Variants in JAG1 observed in about 807,000 individuals in gnomAD.
The protein encoded by JAG1 is jagged canonical Notch ligand 1, also known as protein jagged-1.
In JAG1, 23 loss-of-function variants were observed where a neutral mutation model predicts 148.7. The observed-to-expected ratio is 0.15, with a 90% CI of 0.11 to 0.22. JAG1 has a LOEUF of 0.22. JAG1 is among the 10% of genes least tolerant of loss of function. The probability of loss-of-function intolerance (pLI) is 1.00; values close to 1 mark genes in which losing one functional copy is unlikely to be tolerated. For synonymous variants in JAG1, 572 were observed against 598.3 expected (o/e 0.96, Z 0.64); for missense variants, 1,054 against 1,611.2 (o/e 0.65, Z 5.92).
Position 10,649,055 on chromosome 20 carries a change from A to G in JAG1, c.1395+6T>C. 1 of 1,604,472 alleles carries G rather than the reference A, an allele frequency of 6.2e-7. No homozygotes were observed. Among genetic ancestry groups the G allele is most frequent in the Non-Finnish European group, 8.5e-7 (1 of 1,171,178 alleles). ...AAAGTTTTGATTTAAGCAAAGATTT[A>G]CATACCCGACAGGAGGCGTCATTCT... On this transcript the variant is annotated splice_donor_region_variant and intron_variant, in intron 11 of 25. Transcript: ENST00000254958.
chr20:10,665,686 C>T (rs1399675629), intron 2 of JAG1, among the ~76,000 whole-genome samples: 2 of 152,168 alleles, frequency 1.3e-5, no homozygotes, highest in Admixed American at 1.3e-4. Flanking sequence ...GGCCCACGTC[C>T]TCCACTTCAA....
intron 3 of JAG1, among the ~76,000 whole-genome samples, 196 bp from the exon 4 acceptor site, chr20:10,658,918 C>CA (rs1392953454): frequency 8.5e-5 from 13 of 152,204 alleles, no homozygotes; most frequent in African/African-American, 2.7e-4. Flanking sequence ...AATGGGTACA[C>CA]AGTATTTCAT....
rs754195321 is a variant in JAG1 at position 10,647,932 on chromosome 20, C to T, written c.1720+28G>A. 3.1e-6 allele frequency: 5 copies of T among 1,613,290 alleles called. No individual in the cohort carries two copies. In the South Asian group the frequency reaches 4.4e-5, roughly 14 times the overall value. The stretch of plus-strand genomic sequence containing the variant: ...GGGACAAAAGGAGCAAGTCTGGAGA[C>T]AGCCAGGTCCCGGGAGAAGGGAGGT... On this transcript the variant is annotated intron_variant, in intron 13 of 25. Coordinates refer to ENST00000254958, the MANE Select transcript of JAG1 (RefSeq NM_000214.3).
At chr20:10,662,422 T>A (rs923505701) in intron 3 of JAG1, 2 of 152,034 alleles carry the variant, frequency 1.3e-5, no homozygotes, top group Non-Finnish European at 2.9e-5. Context: ...CTCTCACATG[T>A]CCCTAACAAG....
Position 10,642,517 on chromosome 20 carries a change from G to T in JAG1, c.2543C>A (p.Pro848Gln). 6.2e-7 allele frequency: 1 copy of T among 1,611,442 alleles called. No individual in the cohort carries two copies. The highest frequency in any genetic ancestry group is 8.5e-7 in the Non-Finnish European group (1 of 1,177,586). ...EINGYRCVCP[P>Q]GHSGAKCQEV... is the part of the protein sequence containing the mutation. ...CTGGCACTTGGCACCACTGTGCCCT[G>T]GAGGGCAGACACACCGGTAGCCATT... Residue 848 changes from proline (P) to glutamine (Q), a missense_variant, in exon 21 of 26, where the codon CCA becomes CAA. Transcript: ENST00000254958.
In JAG1 at chr20:10,645,752, A is replaced by G; in HGVS notation, c.1999+219T>C. ...TTGCAAGCAGGAATATTTATTACAC[A>G]GTCTAATTCTATAGGTCCTCAGCAG... On this transcript the variant is annotated intron_variant, in intron 15 of 25. Transcript: ENST00000254958. The surrounding 1 kb of genome is among the most constrained non-coding windows in gnomAD (Gnocchi z 6.1). 1 of 617,802 alleles carries G rather than the reference A, an allele frequency of 1.6e-6. No individual in the cohort carries two copies. Among genetic ancestry groups the G allele is most frequent in the Middle Eastern group, 4.3e-4 (1 of 2,318 alleles). 38.3% of individuals were successfully genotyped at this position (617,802 alleles called of 1,614,324 possible). A position where few individuals can be genotyped will look rare whatever the true frequency, so the allele number is the denominator to read the frequency against.
intron 2 of JAG1, among the ~76,000 whole-genome samples, chr20:10,669,588 A>AAAAAAT (rs2067481928): frequency 7.4e-6 from 1 of 135,952 alleles, no homozygotes; most frequent in Admixed American, 7.8e-5. Flanking sequence ...AAAAAAAAAA[A>AAAAAAT]GTTGATCTCA....
chr20:10,669,157 C>A (rs2067477657), intron 2 of JAG1, among the ~76,000 whole-genome samples: 1 of 152,204 alleles, frequency 6.6e-6, no homozygotes, highest in African/African-American at 2.4e-5. Context: ...AGTGTTGCAA[C>A]ACAGATACAT....
chr20:10,642,752 C>T (rs2067281911), intron 20 of JAG1, 151 bp from the exon 21 acceptor site: 3 of 692,150 alleles, frequency 4.3e-6, no homozygotes, highest in African/African-American at 3.5e-5. Flanking sequence ...AGAAACAGAT[C>T]TATTGCAAAA....
At chr20:10,648,929 C>G in intron 11 of JAG1, 132 bp downstream of exon 11, 1 of 925,014 alleles carries the variant, frequency 1.1e-6, no homozygotes, top group Non-Finnish European at 1.7e-6. Context: ...TAAGCCCTAG[C>G]GAAACTTCCA....
chr20:10,648,830 G>C, intron 11 of JAG1, 108 bp from the exon 12 acceptor site: 1 of 1,133,252 alleles, frequency 8.8e-7, no homozygotes, highest in South Asian at 1.3e-5. Context: ...CTGGTTCACT[G>C]AAATAGCCAA....
chr20:10,670,698 T>C (rs774349935), intron 2 of JAG1, among the ~76,000 whole-genome samples: 1 of 152,174 alleles, frequency 6.6e-6, no homozygotes, highest in South Asian at 2.1e-4. Context: ...GGAGACTTGT[T>C]TATGAGTGAT....
chr20:10,647,449 G>A (rs1308854325), intron 13 of JAG1: 1 of 418,834 alleles, frequency 2.4e-6, no homozygotes, highest in Non-Finnish European at 4.5e-6. Flanking sequence ...TCTTAAGCAA[G>A]GCTCAAGGAC....
intron 2 of JAG1, among the ~76,000 whole-genome samples, chr20:10,670,884 T>C (rs956221766): frequency 6.6e-6 from 1 of 152,160 alleles, no homozygotes; most frequent in East Asian, 1.9e-4. Flanking sequence ...CCACACTATT[T>C]CCGCTCGTTT....
At chr20:10,672,658 G>A (rs752697119) in intron 2 of JAG1, 43 bp downstream of exon 2, 1 of 1,594,480 alleles carries the variant, frequency 6.3e-7, no homozygotes, top group Non-Finnish European at 8.6e-7. Flanking sequence ...GCCAGGCGCG[G>A]GTGTGAGGCT....
rs1178459436 is a variant in JAG1 at position 10,649,104 on chromosome 20, A to T, written c.1352T>A (p.Ile451Asn). 6.2e-7 allele frequency: 1 copy of T among 1,601,292 alleles called. No individual in the cohort carries two copies. The highest frequency in any genetic ancestry group is 2.2e-5 in the East Asian group (1 of 44,824). ...GWMGQNCDIN[I>N]NDCLGQCQND... ...CTGACACTGGCCAAGGCAGTCATTA[A>T]TATCTAAAAAATAAATAAGTCATCA... The change falls in exon 11 of 26, where the codon ATT becomes AAT. Residue 451 changes from isoleucine (I) to asparagine (N), a missense_variant. Ile to Asn is a moderately radical substitution (Grantham distance 149, BLOSUM62 -3). Transcript: ENST00000254958.
rs1270085831 is a variant in JAG1 at position 10,644,873 on chromosome 20, G to A, written c.2334C>T (p.Ile778=). The change falls in exon 18 of 26, where the codon ATC becomes ATT. Residue 778 remains isoleucine, a synonymous_variant. Transcript: ENST00000254958. ...CVCKEGWEGP[I]CAQNTNDCSP... ...GGGGAGGACACTCACTCTGAGCACA[G>A]ATGGGCCCCTCCCAGCCTTCCTTGC... The A allele has an allele frequency of 1.9e-6, 3 of 1,613,048 alleles. No homozygotes were observed. The highest frequency in any genetic ancestry group is 2.5e-6 in the Non-Finnish European group (3 of 1,178,954).
In JAG1 at chr20:10,649,067, G is replaced by A. The variant is rs147229008; in HGVS notation, c.1389C>T (p.Ser463=). The part of the protein sequence containing the change: ...DCLGQCQNDA[S]CRDLVNGYRC... Reference sequence around the variant, plus strand: ...TAAGCAAAGATTTACATACCCGACAGGAGGCGTCATTCTGACACTGGCCAA... The same window carrying A: ...TAAGCAAAGATTTACATACCCGACAAGAGGCGTCATTCTGACACTGGCCAA... Residue 463 remains serine (S), a synonymous_variant, in exon 11 of 26, where the codon TCC becomes TCT. Coordinates refer to ENST00000254958, the MANE Select transcript of JAG1 (RefSeq NM_000214.3). The A allele has an allele frequency of 4.3e-4, 698 of 1,609,458 alleles. 2 individuals carry two copies. Among genetic ancestry groups the A allele is most frequent in the Middle Eastern group, 1.6e-3 (10 of 6,072 alleles).
Position 10,664,004 on chromosome 20 carries a change from G to C in JAG1, c.398C>G (p.Thr133Arg). The change falls in exon 3 of 26, where the codon ACG becomes AGG. Residue 133 changes from threonine (T) to arginine (R), a missense_variant. Thr to Arg is a moderately conservative substitution (Grantham distance 71). This residue lies in a region of JAG1 where 151 missense variants were observed against 211.1 expected (regional missense o/e 0.72). Transcript: ENST00000254958. ...GGAATCCCACGCCTCCACAAGCAAC[G>C]TATAGGACCTCTGCAAGACAAACAA... ...PFSFAWPRSY[T>R]LLVEAWDSSN... is the part of the protein sequence containing the mutation. 1 of 1,613,612 alleles carries C rather than the reference G, an allele frequency of 6.2e-7. No individual in the cohort carries two copies. The highest frequency in any genetic ancestry group is 8.5e-7 in the Non-Finnish European group (1 of 1,179,554).
Sources: gnomAD v4.1 joint callset for allele counts (sites outside exome capture counted in the v4.1 genomes callset) on GRCh38, gnomAD v4.1.1 for gene constraint, gnomAD v4.1.1 regional missense constraint, Gnocchi (gnomAD v3.1) non-coding constraint, MANE v1.5 for transcripts, NCBI Gene and HGNC (gene_info 2026-07-23, HGNC 2026-07-21) for gene names.